The following WRNIP1 variants were observed in gnomAD, a reference collection of about 807,000 sequenced individuals.
WRNIP1 encodes the protein WRN helicase interacting protein 1.
A neutral mutation model predicts 56.1 loss-of-function variants in WRNIP1; 41 were observed. That is an observed-to-expected ratio of 0.73 (90% CI 0.57 to 0.95). The LOEUF is 0.95. Ranked by LOEUF, WRNIP1 falls within the 40% of genes least tolerant of loss-of-function variation. The pLI is 0.00. For synonymous variants in WRNIP1, 547 were observed against 398.1 expected (o/e 1.37, Z -4.45); for missense variants, 1,170 against 939.4 (o/e 1.25, Z -3.21).
intron 3 of WRNIP1, among the ~76,000 whole-genome samples, chr6:2,774,761 T>G (rs1765394264): frequency 6.6e-6 from 1 of 152,252 alleles, no homozygotes. Flanking sequence ...ATCTGAAATG[T>G]ACCTTCTCTC....
Position 2,765,871 on chromosome 6 carries a change from A to G in WRNIP1, c.249A>G (p.Pro83=). ...CGGAGAGCTCGGCGCTGAAGCAGCC[A>G]GCCACCCCGACGGCAGCCGAGAGCA... The part of the protein sequence containing the change: ...RLSESSALKQ[P]ATPTAAESSE... The change falls in exon 1 of 7, where the codon CCA becomes CCG. Residue 83 remains proline, a synonymous_variant. Coordinates refer to ENST00000380773, the MANE Select transcript of WRNIP1 (RefSeq NM_020135.3). The G allele has an allele frequency of 6.9e-7, 1 of 1,445,164 alleles. No homozygotes were observed. Among genetic ancestry groups the G allele is most frequent in the Non-Finnish European group, 9.1e-7 (1 of 1,100,416 alleles). The allele number at this position is 1,445,164 out of a possible 1,614,324, so 89.5% of individuals were successfully genotyped here.
Position 2,785,253 on chromosome 6 carries a change from GT to G in WRNIP1, c.1970del (p.Val657GlufsTer23). 6.2e-7 allele frequency: 1 copy of G among 1,614,062 alleles called. No individual in the cohort carries two copies. Among genetic ancestry groups the G allele is most frequent in the Non-Finnish European group, 8.5e-7 (1 of 1,179,994 alleles). ...QEYLPEELRGVDFFKQRRC is the reference protein window; with the variant it reads ...QEYLPEELRGXDFFKQRRC ...GTACCTGCCTGAAGAGTTGAGGGGG[GT>G]AGATTTCTTCAAGCAGAGGAGGTGC... is the stretch of plus-strand genomic sequence containing the variant. On this transcript the variant is annotated frameshift_variant, in exon 7 of 7. Coordinates refer to ENST00000380773, the MANE Select transcript of WRNIP1 (RefSeq NM_020135.3). LOFTEE classifies it high-confidence loss of function.
chr6:2,780,606 G>A (rs1209287162), intron 4 of WRNIP1, among the ~76,000 whole-genome samples: 1 of 152,200 alleles, frequency 6.6e-6, no homozygotes, highest in Non-Finnish European at 1.5e-5. Flanking sequence ...GGAGCATGAC[G>A]TGAATGCTTG....
Position 2,766,380 on chromosome 6 carries a change from G to T in WRNIP1, c.758G>T (p.Arg253Leu), listed in dbSNP as rs142432834. The change falls in exon 1 of 7, where the codon CGC (arginine) becomes CTC (leucine). Residue 253 changes from arginine (R) to leucine (L), a missense_variant. By Grantham distance (102) the Arg-to-Leu change is moderately radical. Transcript: ENST00000380773. ...GCCGTGGGCCAGGATACCCTGCTGC[G>T]CTCGCTCCTGGAGACCAACGAAATC... ...SKAVGQDTLL[R>L]SLLETNEIPS... 7.0e-5 allele frequency: 112 copies of T among 1,608,432 alleles called. No individual in the cohort carries two copies. The African/African-American group carries it at 1.4e-3, about 20-fold the overall frequency.
chr6:2,771,210 C>T (rs902612835), intron 3 of WRNIP1, among the ~76,000 whole-genome samples: 8 of 152,164 alleles, frequency 5.3e-5, no homozygotes, highest in African/African-American at 1.9e-4. Context: ...AGCCACTTTT[C>T]TGTGAGGATT....
rs752546393 is a variant in WRNIP1 at position 2,770,246 on chromosome 6, C to A, written c.1141C>A (p.Pro381Thr). The stretch of plus-strand genomic sequence containing the variant: ...TCGAGTGATTGTTCTTGAGAAGCTT[C>A]CAGTAGAGGCAATGGTGACTATTTT... ...RCRVIVLEKLPVEAMVTILMR... is the reference protein window; with the variant it reads ...RCRVIVLEKLTVEAMVTILMR... Residue 381 changes from proline (P) to threonine (T), a missense_variant, in exon 3 of 7, where the codon CCA becomes ACA. Physicochemically the swap from Pro to Thr is conservative, Grantham distance 38 (BLOSUM62 -1). Transcript: ENST00000380773. The A allele has an allele frequency of 1.2e-6, 2 of 1,614,196 alleles. No individual in the cohort carries two copies. Among genetic ancestry groups the A allele is most frequent in the South Asian group, 2.2e-5 (2 of 91,084 alleles).
chr6:2,782,107 G>GCCTGTTA lies in WRNIP1; in HGVS notation c.1487-1294_1487-1288dup, dbSNP rs1293232745. On this transcript the variant is annotated intron_variant, in intron 4 of 6. Transcript: ENST00000380773. ...CCCCCATGCCCGTGAGTTTAGCCAG[G>GCCTGTTA]CCTGTTACCTGCTACCCTCTTCCCC... 2.0e-5 allele frequency among the ~76,000 whole-genome samples: 3 copies of GCCTGTTA among 152,224 alleles called. No homozygotes were observed. The East Asian group carries it at 5.8e-4, about 29-fold the overall frequency.
intron 3 of WRNIP1, chr6:2,772,934 C>G: frequency 1.0e-6 from 1 of 979,868 alleles, no homozygotes; most frequent in Non-Finnish European, 1.2e-6. Context: ...CTTTCTCTCT[C>G]CAGGAAGCTA....
chr6:2,783,519 T>TACGTGGC lies in WRNIP1; in HGVS notation c.1604_1610dup (p.Arg538GlyfsTer37). On this transcript the variant is annotated frameshift_variant, in exon 5 of 7. Coordinates refer to ENST00000380773, the MANE Select transcript of WRNIP1 (RefSeq NM_020135.3). LOFTEE classifies it high-confidence loss of function. ...GCTCGAGGGAGGAGAGGACCCACTC[T>TACGTGGC]ACGTGGCACGGAGGCTTGTCAGGTT... is the stretch of plus-strand genomic sequence containing the variant. 6.2e-7 allele frequency: 1 copy of TACGTGGC among 1,613,398 alleles called. No homozygotes were observed. Among genetic ancestry groups the TACGTGGC allele is most frequent in the Non-Finnish European group, 8.5e-7 (1 of 1,179,798 alleles).
Position 2,774,978 on chromosome 6 carries a change from T to C in WRNIP1, c.1257-4285T>C, listed in dbSNP as rs139158553. On this transcript the variant is annotated intron_variant, in intron 3 of 6. Transcript: ENST00000380773. ...CAGGCACTGCTCTAAGCATTCCACA[T>C]GTCTTAATCTCATTCAGTCCTCAAT... Among the ~76,000 whole-genome samples, 49 of 152,292 alleles carry C rather than the reference T, an allele frequency of 3.2e-4. 2 individuals are homozygous for C. The East Asian group carries it at 8.7e-3, about 27-fold the overall frequency.
At chr6:2,766,734 C>T (rs770029599) in intron 1 of WRNIP1, among the ~76,000 whole-genome samples, 7 of 152,162 alleles carry the variant, frequency 4.6e-5, no homozygotes, top group Admixed American at 1.3e-4. Context: ...ATTTGATCTG[C>T]CTTTATCTTC....
Position 2,784,329 on chromosome 6 carries a change from G to T in WRNIP1, c.1648G>T (p.Ala550Ser), listed in dbSNP as rs1449918271. 1 of 1,613,354 alleles carries T rather than the reference G, an allele frequency of 6.2e-7. No individual in the cohort carries two copies. Among genetic ancestry groups the T allele is most frequent in the Non-Finnish European group, 8.5e-7 (1 of 1,179,450 alleles). ...VRFASEDIGL[A>S]DPSALTQAVA... ...TTTGTCTCTGTGTGTGGCAGGTCTG[G>T]CAGACCCGTCTGCGTTAACACAAGC... The change falls in exon 6 of 7, where the codon GCA becomes TCA. Residue 550 changes from alanine to serine, a missense_variant. Transcript: ENST00000380773.
intron 3 of WRNIP1, chr6:2,773,150 T>C (rs1561912166): frequency 1.0e-6 from 1 of 985,464 alleles, no homozygotes; most frequent in Non-Finnish European, 1.2e-6. Context: ...ATGTAAGTGA[T>C]AAATTCCCAT....
In WRNIP1 at chr6:2,785,353, C is replaced by T; in HGVS notation, c.*71C>T. The T allele has an allele frequency of 6.4e-7, 1 of 1,552,880 alleles. No individual in the cohort carries two copies. The highest frequency in any genetic ancestry group is 8.7e-7 in the Non-Finnish European group (1 of 1,148,474). ...GGCCAGAAAGAAAGTTAGTGGATTGCAAAGTTGGTTGCCTGGTGGAAGTTA... is the reference window on the plus strand; with the variant it reads ...GGCCAGAAAGAAAGTTAGTGGATTGTAAAGTTGGTTGCCTGGTGGAAGTTA... On this transcript the variant is annotated 3_prime_UTR_variant, in exon 7 of 7. Transcript: ENST00000380773.
chr6:2,774,096 A>G, intron 3 of WRNIP1: 1 of 985,442 alleles, frequency 1.0e-6, no homozygotes, highest in African/African-American at 1.7e-5. Context: ...TCCAGAATAC[A>G]AGGGATTGGC....
At position 2,783,408 on chromosome 6, in the gene WRNIP1, G is replaced by A; in HGVS notation, c.1489G>A (p.Glu497Lys). 1 of 1,592,798 alleles carries A rather than the reference G, an allele frequency of 6.3e-7. No individual in the cohort carries two copies. Among genetic ancestry groups the A allele is most frequent in the Non-Finnish European group, 8.6e-7 (1 of 1,166,660 alleles). Residue 497 changes from glutamate to lysine, a missense_variant and splice_region_variant, in exon 5 of 7, where the codon GAG (glutamate) becomes AAG (lysine). Physicochemically the swap from Glu to Lys is moderately conservative, Grantham distance 56. Transcript: ENST00000380773. ...RSHILYDRAGEEHYNCISALH... is the reference protein window; with the variant it reads ...RSHILYDRAGKEHYNCISALH... ...AGTGGTGCTCTTTGTGATGTCAGGT[G>A]AGGAGCATTACAACTGCATCTCCGC...
rs1025634496 is a variant in WRNIP1, at chr6:2,766,096, C to A, written c.474C>A (p.Asp158Glu). The change falls in exon 1 of 7, where the codon GAC (aspartate) becomes GAA (glutamate). Residue 158 changes from aspartate to glutamate, a missense_variant. Transcript: ENST00000380773. Reference sequence around the variant, plus strand: ...GGAGCGCGTCTCCGCGCAGCTGGGACGAGGCGGAGGCGCAGGAGGAGGAGG... The same window carrying A: ...GGAGCGCGTCTCCGCGCAGCTGGGAAGAGGCGGAGGCGCAGGAGGAGGAGG... ...AAGSASPRSW[D>E]EAEAQEEEEA... is the part of the protein sequence containing the mutation. 4 of 1,314,976 alleles carry A rather than the reference C, an allele frequency of 3.0e-6. No homozygotes were observed. The African/African-American group carries it at 4.6e-5, about 15-fold the overall frequency. 81.5% of individuals were successfully genotyped at this position (1,314,976 alleles called of 1,614,324 possible).
rs779459713 is a variant in WRNIP1, at chr6:2,785,308, A to G, written c.*26A>G. ...CTCCTCAGGGCACGACAGCAGAAGGATGTTGCTTTTTTAAGGGAGGGCCAG... is the reference window on the plus strand; with the variant it reads ...CTCCTCAGGGCACGACAGCAGAAGGGTGTTGCTTTTTTAAGGGAGGGCCAG... On this transcript the variant is annotated 3_prime_UTR_variant, in exon 7 of 7. Coordinates refer to ENST00000380773, the MANE Select transcript of WRNIP1 (RefSeq NM_020135.3). 9.4e-6 allele frequency: 15 copies of G among 1,600,296 alleles called. No individual in the cohort carries two copies. Among genetic ancestry groups the G allele is most frequent in the Non-Finnish European group, 1.3e-5 (15 of 1,170,968 alleles).
intron 4 of WRNIP1, among the ~76,000 whole-genome samples, chr6:2,781,164 C>T (rs938055690): frequency 1.3e-5 from 2 of 152,206 alleles, no homozygotes; most frequent in African/African-American, 2.4e-5. Flanking sequence ...ACATACAGAG[C>T]GGATCTTGGA....
Sources: gnomAD v4.1 joint callset for allele counts (sites outside exome capture counted in the v4.1 genomes callset) on GRCh38, gnomAD v4.1.1 for gene constraint, MANE v1.5 for transcripts, NCBI Gene and HGNC (gene_info 2026-07-23, HGNC 2026-07-21) for gene names.